ESPNL: variants seen among roughly 807,000 people sequenced by gnomAD.
ESPNL encodes the protein espin like.
ESPNL carries 49 observed loss-of-function variants against 46.8 expected under a neutral mutation model. The ratio of observed to expected loss-of-function variants is 1.05; its 90% CI spans 0.83 to 1.33. The LOEUF (loss-of-function observed/expected upper bound fraction) is 1.33. Among genes scored for constraint, ESPNL ranks in the 40% most tolerant of loss-of-function variants. ESPNL has a pLI of 0.00. For synonymous variants in ESPNL, 664 were observed against 662.1 expected (o/e 1.00, Z -0.04); for missense variants, 1,540 against 1,436.6 (o/e 1.07, Z -1.16).
At chr2:238,100,817 G>A in intron 1 of ESPNL, 104 bp downstream of exon 1, 1 of 1,008,550 alleles carries the variant, frequency 9.9e-7, no homozygotes, top group Non-Finnish European at 1.3e-6. Context: ...GGGCTCCATG[G>A]CCCTGGGCCC....
At chr2:238,106,120 T>C (rs1691593313) in intron 3 of ESPNL, among the ~76,000 whole-genome samples, 1 of 152,178 alleles carries the variant, frequency 6.6e-6, no homozygotes, top group African/African-American at 2.4e-5. Context: ...GCCTTGGTGG[T>C]GGTTTCCACC....
intron 4 of ESPNL, 86 bp from the exon 5 acceptor site, chr2:238,116,817 G>C: frequency 1.3e-6 from 2 of 1,512,692 alleles, no homozygotes; most frequent in Non-Finnish European, 1.8e-6. Flanking sequence ...TGCGCCATGG[G>C]GCAGGGGAGC....
In ESPNL at chr2:238,131,804, CA is replaced by C; in HGVS notation, c.*73del. The C allele has an allele frequency of 6.7e-7, 1 of 1,501,990 alleles. No homozygotes were observed. Among genetic ancestry groups the C allele is most frequent in the Non-Finnish European group, 9.0e-7 (1 of 1,113,148 alleles). 93.0% of individuals were successfully genotyped at this position (1,501,990 alleles called of 1,614,324 possible). On this transcript the variant is annotated 3_prime_UTR_variant, in exon 9 of 9. Transcript: ENST00000343063. ...GAGTTTCTCTTTTCTTTTCCTTGCT[CA>C]CACCCTTGGTGTTCAGGTGAGCCGG... is the stretch of plus-strand genomic sequence containing the variant.
rs1309653898 is a variant in ESPNL at position 238,107,935 on chromosome 2, A to AC, written c.823dup (p.Leu275ProfsTer28). ...CATCCTGAGAGACTCCTGGGGTGGG[A>AC]CCCCCCTCCACGACGCAGCAGAGAA... On this transcript the variant is annotated frameshift_variant, in exon 4 of 9. Transcript: ENST00000343063. LOFTEE classifies it high-confidence loss of function. 2 of 1,610,490 alleles carry AC rather than the reference A, an allele frequency of 1.2e-6. No individual in the cohort carries two copies. Among genetic ancestry groups the AC allele is most frequent in the Non-Finnish European group, 1.7e-6 (2 of 1,179,020 alleles).
In ESPNL at chr2:238,104,809, C is replaced by A; in HGVS notation, c.639C>A (p.Ala213=). 1.9e-6 allele frequency: 3 copies of A among 1,552,878 alleles called. No individual in the cohort carries two copies. The highest frequency in any genetic ancestry group is 1.7e-6 in the Non-Finnish European group (2 of 1,151,058). The change falls in exon 3 of 9, where the codon GCC becomes GCA. Residue 213 remains alanine (A), a synonymous_variant. Transcript: ENST00000343063. ...GCATGAGCGCCCTGCACGCTGCCGC[C>A]GCCCGTGGCCACTACTCCCTCGTCG... is the stretch of plus-strand genomic sequence containing the variant. ...LDGMSALHAA[A]ARGHYSLVVW...
At chr2:238,128,667 G>A in intron 7 of ESPNL, 40 bp from the exon 8 acceptor site, 2 of 1,546,716 alleles carry the variant, frequency 1.3e-6, no homozygotes, top group Non-Finnish European at 8.8e-7. Flanking sequence ...CAGGGCCTGG[G>A]TCCCCTTCGG....
At position 238,130,699 on chromosome 2, in the gene ESPNL, C is replaced by A; in HGVS notation, c.1985C>A (p.Ala662Asp). The A allele has an allele frequency of 6.4e-7, 1 of 1,565,658 alleles. No individual in the cohort carries two copies. ...VRTLRGNFESASGPLCGFNPG... is the reference protein window; with the variant it reads ...VRTLRGNFESDSGPLCGFNPG... ...ACGCTGCGGGGCAACTTCGAGTCGG[C>A]CTCTGGCCCACTCTGTGGCTTCAAC... Residue 662 changes from alanine to aspartate, a missense_variant, in exon 9 of 9, where the codon GCC becomes GAC. Physicochemically the swap from Ala to Asp is moderately radical, Grantham distance 126 (BLOSUM62 -2). Coordinates refer to ENST00000343063, the MANE Select transcript of ESPNL (RefSeq NM_194312.4).
intron 6 of ESPNL, 113 bp from the exon 7 acceptor site, chr2:238,127,509 G>T: frequency 7.0e-7 from 1 of 1,433,300 alleles, no homozygotes. Context: ...TCAGCTCCCA[G>T]CTCGCAGATC....
chr2:238,116,939 T>C lies in ESPNL; in HGVS notation c.892T>C (p.Ser298Pro), dbSNP rs1430795370. 1 of 1,612,612 alleles carries C rather than the reference T, an allele frequency of 6.2e-7. No individual in the cohort carries two copies. The highest frequency in any genetic ancestry group is 1.3e-5 in the African/African-American group (1 of 75,032). Reference sequence around the variant, plus strand: ...CCTAGTCTCCCACCACGTGGACCCCTCCCTGCGGGATGAAGATGGTTACAC... The same window carrying C: ...CCTAGTCTCCCACCACGTGGACCCCCCCCTGCGGGATGAAGATGGTTACAC... Reference protein sequence around the residue: ...QTLVSHHVDPSLRDEDGYTAA... With the variant: ...QTLVSHHVDPPLRDEDGYTAA... Residue 298 changes from serine to proline, a missense_variant, in exon 5 of 9, where the codon TCC becomes CCC. By Grantham distance (74) the Ser-to-Pro change is moderately conservative. Transcript: ENST00000343063.
intron 5 of ESPNL, among the ~76,000 whole-genome samples, chr2:238,120,119 C>T (rs1024936837): frequency 6.6e-6 from 1 of 152,180 alleles, no homozygotes; most frequent in Admixed American, 6.5e-5. Context: ...CCAGCGGGTC[C>T]TGGTTCAGCA....
chr2:238,128,914 C>A lies in ESPNL; in HGVS notation c.1413+10C>A. The A allele has an allele frequency of 6.5e-7, 1 of 1,532,884 alleles. No individual in the cohort carries two copies. 95.0% of individuals were successfully genotyped at this position (1,532,884 alleles called of 1,614,324 possible). A position where few individuals can be genotyped will look rare whatever the true frequency, so the allele number is the denominator to read the frequency against. ...CTCCGCAGAGGCCCAGGTAGGCCCC[C>A]GGCAGGGGCGGGACCAGTGGGCGGG... On this transcript the variant is annotated intron_variant, in intron 8 of 8. Transcript: ENST00000343063.
chr2:238,104,588 C>A, intron 2 of ESPNL, 68 bp from the exon 3 acceptor site: 2 of 1,459,088 alleles, frequency 1.4e-6, no homozygotes, highest in South Asian at 2.8e-5. Flanking sequence ...GCGGTGAAGT[C>A]CAAGCAGCCG....
chr2:238,120,383 A>C (rs1441648153), intron 5 of ESPNL, among the ~76,000 whole-genome samples: 1 of 152,114 alleles, frequency 6.6e-6, no homozygotes, highest in East Asian at 1.9e-4. Context: ...AGCCCCTGGC[A>C]CAAGGGAACA....
At position 238,128,871 on chromosome 2, in the gene ESPNL, G is replaced by A. The variant is rs1468660566; in HGVS notation, c.1380G>A (p.Ala460=). 6.5e-7 allele frequency: 1 copy of A among 1,545,356 alleles called. No homozygotes were observed. The highest frequency in any genetic ancestry group is 8.7e-7 in the Non-Finnish European group (1 of 1,146,580). Residue 460 remains alanine (A), a synonymous_variant, in exon 8 of 9, where the codon GCG becomes GCA. Transcript: ENST00000343063. The part of the protein sequence containing the change: ...KRQVMVRKLQ[A]RLGAESSAEA... The stretch of plus-strand genomic sequence containing the variant: ...AGGTGATGGTGCGGAAGCTGCAGGC[G>A]CGCCTGGGCGCAGAGAGCTCCGCAG...
intron 5 of ESPNL, among the ~76,000 whole-genome samples, 185 bp downstream of exon 5, chr2:238,117,219 A>C (rs890399474): frequency 3.3e-5 from 5 of 152,154 alleles, no homozygotes; most frequent in South Asian, 4.1e-4. Context: ...AGCCAGTGCT[A>C]GGGCCAGGCT....
At chr2:238,119,104 G>A (rs1442871179) in intron 5 of ESPNL, among the ~76,000 whole-genome samples, 1 of 122,520 alleles carries the variant, frequency 8.2e-6, no homozygotes, top group South Asian at 3.0e-4. Flanking sequence ...GATGGAAGAG[G>A]ATGGATGGAG....
chr2:238,109,449 C>T (rs1691669481), intron 4 of ESPNL, among the ~76,000 whole-genome samples: 1 of 152,226 alleles, frequency 6.6e-6, no homozygotes, highest in South Asian at 2.1e-4. Context: ...CTCCTAGGCT[C>T]AAGCAATCCT....
At position 238,132,373 on chromosome 2, in the gene ESPNL, G is replaced by A. The variant is rs1692362164; in HGVS notation, c.*641G>A. 1 of 152,780 alleles carries A rather than the reference G, an allele frequency of 6.5e-6. No homozygotes were observed. Among genetic ancestry groups the A allele is most frequent in the Admixed American group, 6.5e-5 (1 of 15,316 alleles). 9.5% of individuals were successfully genotyped at this position (152,780 alleles called of 1,614,324 possible). On this transcript the variant is annotated 3_prime_UTR_variant, in exon 9 of 9. Coordinates refer to ENST00000343063, the MANE Select transcript of ESPNL (RefSeq NM_194312.4). ...CTTCCTCAAAGGAGGCTCCCCATGG[G>A]GCCCCTGTCCTCCAGCCTGACCAGC... is the stretch of plus-strand genomic sequence containing the variant.
chr2:238,106,215 C>T (rs866906102), intron 3 of ESPNL, among the ~76,000 whole-genome samples: 3 of 152,210 alleles, frequency 2.0e-5, no homozygotes, highest in Non-Finnish European at 2.9e-5. Context: ...CAGTCAGGCT[C>T]GGGAGATGTT....
Sources: allele counts gnomAD v4.1 joint callset (sites outside exome capture counted in the v4.1 genomes callset), GRCh38; gene constraint gnomAD v4.1.1; transcripts MANE v1.5; gene names NCBI Gene and HGNC (gene_info 2026-07-23, HGNC 2026-07-21).